ANKRD36: variants seen among roughly 807,000 people sequenced by gnomAD.
ANKRD36 encodes ankyrin repeat domain 36.
In ANKRD36, 179 loss-of-function variants were observed where a neutral mutation model predicts 278.1. That is an observed-to-expected ratio of 0.64 (90% confidence interval 0.57 to 0.73). The LOEUF (loss-of-function observed/expected upper bound fraction) is 0.73, where lower values mean the gene tolerates loss of function less well. Ranked by LOEUF, ANKRD36 falls within the 30% of genes least tolerant of loss-of-function variation. The probability of loss-of-function intolerance (pLI) is 0.00; values close to 1 mark genes in which losing one functional copy is unlikely to be tolerated. For synonymous variants in ANKRD36, 320 were observed against 641.1 expected, an observed-to-expected ratio of 0.50 and a Z score of 7.57; for missense variants, 1,159 against 1,956.7, an observed-to-expected ratio of 0.59 and a Z score of 7.69.
At chr2:97,185,626 C>A (rs77691051) in intron 30 of ANKRD36, 116 bp downstream of exon 30, 228 of 1,289,782 alleles carry the variant, frequency 1.8e-4, no homozygotes, top group Middle Eastern at 4.0e-4. Flanking sequence ...TCAGCAGGCC[C>A]GAGATTCTTC....
At chr2:97,229,102 AT>A (rs2153669065) in intron 67 of ANKRD36, among the ~76,000 whole-genome samples, 1 of 151,462 alleles carries the variant, frequency 6.6e-6, no homozygotes, top group African/African-American at 2.4e-5. Context: ...GCTGAAAAAA[AT>A]GTATATTCTG....
intron 13 of ANKRD36, among the ~76,000 whole-genome samples, chr2:97,152,247 C>T (rs2046257172): frequency 6.8e-6 from 1 of 146,848 alleles, no homozygotes; most frequent in Admixed American, 6.7e-5. Flanking sequence ...CCTGCCTAGG[C>T]CTCCCAAGCT....
At chr2:97,217,111 C>T (rs1206930701) in intron 62 of ANKRD36, 66 bp from the exon 63 acceptor site, 1 of 1,541,426 alleles carries the variant, frequency 6.5e-7, no homozygotes, top group African/African-American at 1.4e-5. Flanking sequence ...GCTAACACTG[C>T]ATGAATGTAT....
At chr2:97,179,971 A>G in intron 24 of ANKRD36, 38 bp downstream of exon 24, 1 of 1,601,454 alleles carries the variant, frequency 6.2e-7, no homozygotes, top group Non-Finnish European at 8.5e-7. Flanking sequence ...ATGTTCAATC[A>G]AGATGGAAGA....
chr2:97,260,517 C>T (rs2076632915), intron 75 of ANKRD36, among the ~76,000 whole-genome samples: 1 of 131,970 alleles, frequency 7.6e-6, no homozygotes. Context: ...GATGTGTTTT[C>T]ATCCAGGCTT....
At chr2:97,133,342 G>A (rs2040658856) in intron 6 of ANKRD36, among the ~76,000 whole-genome samples, 1 of 151,908 alleles carries the variant, frequency 6.6e-6, no homozygotes, top group African/African-American at 2.4e-5. Flanking sequence ...TGGAATTTTG[G>A]TGAATATTTA....
chr2:97,222,947 A>C (rs2068173205), intron 66 of ANKRD36, among the ~76,000 whole-genome samples: 1 of 152,096 alleles, frequency 6.6e-6, no homozygotes, highest in Non-Finnish European at 1.5e-5. Context: ...TTAGAAACAA[A>C]AAGTTATAGC....
At chr2:97,173,877 T>G (rs1350032629) in intron 22 of ANKRD36, among the ~76,000 whole-genome samples, 2 of 151,046 alleles carry the variant, frequency 1.3e-5, no homozygotes, top group East Asian at 2.0e-4. Context: ...TGTTTTTTGG[T>G]TTTTTTTTGA....
rs201141493 is a variant in ANKRD36, at chr2:97,192,916, G to T, written c.2376+30G>T. ...TGAAACACTCATTTATATTGTGAAT[G>T]AGTTAAGGTATGGTCTATGAAACAT... is the stretch of plus-strand genomic sequence containing the variant. On this transcript the variant is annotated intron_variant, in intron 37 of 75. Coordinates refer to ENST00000420699, the MANE Select transcript of ANKRD36 (RefSeq NM_001354587.1). 2.1e-5 allele frequency: 34 copies of T among 1,601,460 alleles called. 1 individual carries two copies. Among genetic ancestry groups the T allele is most frequent in the East Asian group, 4.6e-5 (2 of 43,562 alleles).
chr2:97,154,683 A>G lies in ANKRD36; in HGVS notation c.1202A>G (p.Tyr401Cys), dbSNP rs1235499680. The change falls in exon 15 of 76, where the codon TAC becomes TGC. Residue 401 changes from tyrosine to cysteine, a missense_variant. Tyr to Cys is a radical substitution (Grantham distance 194). Coordinates refer to ENST00000420699, the MANE Select transcript of ANKRD36 (RefSeq NM_001354587.1). ...PVEEAVDRCL[Y>C]LLDRFAQPVT... ...ATCTTTTTGCTCTGTAGGTGTCTCT[A>G]CCTACTGGACCGTTTTGCACAGCCT... 6 of 1,487,108 alleles carry G rather than the reference A, an allele frequency of 4.0e-6. No homozygotes were observed. The South Asian group carries it at 7.2e-5, about 18-fold the overall frequency. The allele number at this position is 1,487,108 out of a possible 1,614,324, so 92.1% of individuals were successfully genotyped here.
chr2:97,191,003 G>C lies in ANKRD36; in HGVS notation c.2271G>C (p.Leu757Phe). The change falls in exon 35 of 76, where the codon TTG becomes TTC. Residue 757 changes from leucine to phenylalanine, a missense_variant. By Grantham distance (22) the Leu-to-Phe change is conservative. Coordinates refer to ENST00000420699, the MANE Select transcript of ANKRD36 (RefSeq NM_001354587.1). ...TGTCTTCTCAGAAACAACCAGCCTT[G>C]AAGGTAATTAAACTCTCATTTATAT... ...GTVSSQKQPA[L>F]KATTDEKDSV... 1 of 1,605,058 alleles carries C rather than the reference G, an allele frequency of 6.2e-7. No homozygotes were observed. The highest frequency in any genetic ancestry group is 8.5e-7 in the Non-Finnish European group (1 of 1,175,742).
chr2:97,219,508 C>T (rs1260468507), intron 66 of ANKRD36, among the ~76,000 whole-genome samples: 3 of 150,736 alleles, frequency 2.0e-5, no homozygotes, highest in Non-Finnish European at 4.4e-5. Flanking sequence ...GGAGACAGAG[C>T]TTTGCTCTTG....
chr2:97,198,291 C>T (rs1355196077), intron 42 of ANKRD36, among the ~76,000 whole-genome samples, 172 bp from the exon 43 acceptor site: 1 of 151,932 alleles, frequency 6.6e-6, no homozygotes, highest in Admixed American at 6.6e-5. Context: ...CCTGTATTCC[C>T]TTTTCTCAGC....
Position 97,154,185 on chromosome 2 carries a change from A to G in ANKRD36, c.1194-490A>G, listed in dbSNP as rs2046860820. Among the ~76,000 whole-genome samples, 4 of 146,680 alleles carry G rather than the reference A, an allele frequency of 2.7e-5. No homozygotes were observed. In the South Asian group the frequency reaches 8.4e-4, roughly 31 times the overall value. On this transcript the variant is annotated intron_variant, in intron 14 of 75. Coordinates refer to ENST00000420699, the MANE Select transcript of ANKRD36 (RefSeq NM_001354587.1). ...TAAGTAGCTTACATGCTGAAGATCT[A>G]AGACTCCCATTTTCCAGTGACACAG...
At chr2:97,203,734 G>T (rs2062026179) in intron 48 of ANKRD36, among the ~76,000 whole-genome samples, 1 of 151,788 alleles carries the variant, frequency 6.6e-6, no homozygotes, top group Non-Finnish European at 1.5e-5. Context: ...CTTTGACATT[G>T]ATTCTGACGT....
At chr2:97,258,792 G>A (rs2076459682) in intron 75 of ANKRD36, among the ~76,000 whole-genome samples, 1 of 117,596 alleles carries the variant, frequency 8.5e-6, no homozygotes, top group East Asian at 5.0e-4. Flanking sequence ...GCTGTTTTCA[G>A]TATTCTTTGT....
chr2:97,190,902 C>G, intron 34 of ANKRD36, 76 bp from the exon 35 acceptor site: 2 of 1,568,990 alleles, frequency 1.3e-6, no homozygotes, highest in South Asian at 2.3e-5. Flanking sequence ...CAGCTGGATG[C>G]TAACACTGTG....
intron 58 of ANKRD36, 74 bp downstream of exon 58, chr2:97,211,815 C>T (rs1205020929): frequency 1.1e-5 from 16 of 1,463,882 alleles, no homozygotes; most frequent in Admixed American, 6.3e-5. Context: ...AATAAAACAG[C>T]GGGGGGTTCG....
intron 42 of ANKRD36, among the ~76,000 whole-genome samples, chr2:97,197,162 A>G (rs377327283): frequency 6.6e-6 from 1 of 151,906 alleles, no homozygotes; most frequent in Admixed American, 6.6e-5. Context: ...AAACAGACAG[A>G]AAACTTGTTG....
Sources: allele counts gnomAD v4.1 joint callset (sites outside exome capture counted in the v4.1 genomes callset), GRCh38; gene constraint gnomAD v4.1.1; transcripts MANE v1.5; gene names NCBI Gene and HGNC (gene_info 2026-07-23, HGNC 2026-07-21).